TMEM150A: variants seen among roughly 807,000 people sequenced by gnomAD.
TMEM150A encodes the protein fasting-inducible integral membrane protein TM6P1.
Under a neutral mutation model 29.8 loss-of-function variants are expected in TMEM150A, and 18 were observed. The ratio of observed to expected loss-of-function variants is 0.60; its 90% CI spans 0.42 to 0.90. TMEM150A has a LOEUF of 0.90. Among genes scored for constraint, TMEM150A ranks in the 40% least tolerant of loss-of-function variants. The pLI, the probability that TMEM150A is intolerant of heterozygous loss-of-function variation, is 0.00. For missense variants in TMEM150A, 251 were observed against 349.7 expected, an observed-to-expected ratio of 0.72 and a Z score of 2.25; for synonymous variants, 127 against 143.6, an observed-to-expected ratio of 0.88 and a Z score of 0.83.
At position 85,601,055 on chromosome 2, in the gene TMEM150A, T is replaced by G; in HGVS notation, c.166A>C (p.Thr56Pro). 3.1e-6 allele frequency: 5 copies of G among 1,612,640 alleles called. No homozygotes were observed. Among genetic ancestry groups the G allele is most frequent in the Non-Finnish European group, 4.2e-6 (5 of 1,179,512 alleles). The change falls in exon 4 of 8, where the codon ACC becomes CCC. Residue 56 changes from threonine (T) to proline (P), a missense_variant. Thr to Pro is a conservative substitution (Grantham distance 38, BLOSUM62 -1). Transcript: ENST00000334462. The surrounding 1 kb of genome is among the most constrained non-coding windows in gnomAD (Gnocchi z 4.0). ...PDPAEQGGPK[T>P]CCTLDDVPLI... ...GGGACATCGTCCAGGGTGCAGCAGGTCTTGGGACCCCCTTGCTCAGCAGGG... is the reference window on the plus strand; with the variant it reads ...GGGACATCGTCCAGGGTGCAGCAGGGCTTGGGACCCCCTTGCTCAGCAGGG...
In TMEM150A at chr2:85,601,379, A is replaced by G. The variant is rs1672944744; in HGVS notation, c.113+56T>C. 1 of 1,602,408 alleles carries G rather than the reference A, an allele frequency of 6.2e-7. No homozygotes were observed. The highest frequency in any genetic ancestry group is 1.3e-5 in the African/African-American group (1 of 74,650). On this transcript the variant is annotated intron_variant, in intron 3 of 7. Coordinates refer to ENST00000334462, the MANE Select transcript of TMEM150A (RefSeq NM_001031738.3). The surrounding 1 kb of genome is among the most constrained non-coding windows in gnomAD (Gnocchi z 4.0). ...GGCTCGTGGCAGCCTCAGGCCCAAG[A>G]GGGGACAGAGATGAAGGAAGCTTTA...
chr2:85,599,768 G>A lies in TMEM150A; in HGVS notation c.397-66C>T. The A allele has an allele frequency of 6.3e-7, 1 of 1,590,222 alleles. No individual in the cohort carries two copies. The highest frequency in any genetic ancestry group is 8.6e-7 in the Non-Finnish European group (1 of 1,167,044). ...CCCACCTCTCCACCCCTCCTTCAATGAATCTCCTCTCTCCCTCTTCCTTCC... is the reference window on the plus strand; with the variant it reads ...CCCACCTCTCCACCCCTCCTTCAATAAATCTCCTCTCTCCCTCTTCCTTCC... On this transcript the variant is annotated intron_variant, in intron 6 of 7. Coordinates refer to ENST00000334462, the MANE Select transcript of TMEM150A (RefSeq NM_001031738.3). The surrounding 1 kb of genome is among the most constrained non-coding windows in gnomAD (Gnocchi z 6.0).
At position 85,601,705 on chromosome 2, in the gene TMEM150A, G is replaced by GCAATTT. The variant is rs1672974057; in HGVS notation, c.65+178_65+179insAAATTG. On this transcript the variant is annotated intron_variant, in intron 2 of 7. Coordinates refer to ENST00000334462, the MANE Select transcript of TMEM150A (RefSeq NM_001031738.3). The surrounding 1 kb of genome is among the most constrained non-coding windows in gnomAD (Gnocchi z 4.0). ...CCTGGCTAGAAGTATATTTGTCAGG[G>GCAATTT]CCACCCTGCTGGACAGCAGTGGTGC... The GCAATTT allele has an allele frequency of 1.1e-6, 1 of 889,336 alleles. No individual in the cohort carries two copies. The highest frequency in any genetic ancestry group is 1.7e-5 in the African/African-American group (1 of 59,736). The allele number at this position is 889,336 out of a possible 1,614,324, so 55.1% of individuals were successfully genotyped here. A position where few individuals can be genotyped will look rare whatever the true frequency, so the allele number is the denominator to read the frequency against.
Position 85,601,554 on chromosome 2 carries a change from C to T in TMEM150A, c.66-72G>A. The stretch of plus-strand genomic sequence containing the variant: ...CAACCCACCCCATGACCCTTCTCTT[C>T]AACCTTGATTTCTGGCCCCATTCAG... On this transcript the variant is annotated intron_variant, in intron 2 of 7. Transcript: ENST00000334462. The surrounding 1 kb of genome is among the most constrained non-coding windows in gnomAD (Gnocchi z 4.0). The T allele has an allele frequency of 1.9e-6, 3 of 1,544,080 alleles. No individual in the cohort carries two copies. Among genetic ancestry groups the T allele is most frequent in the Non-Finnish European group, 2.6e-6 (3 of 1,132,382 alleles).
In TMEM150A at chr2:85,599,146, C is replaced by T; in HGVS notation, c.746G>A (p.Cys249Tyr). 2 of 1,613,736 alleles carry T rather than the reference C, an allele frequency of 1.2e-6. No homozygotes were observed. The highest frequency in any genetic ancestry group is 1.7e-6 in the Non-Finnish European group (2 of 1,179,990). Residue 249 changes from cysteine to tyrosine, a missense_variant, in exon 8 of 8, where the codon TGC becomes TAC. Coordinates refer to ENST00000334462, the MANE Select transcript of TMEM150A (RefSeq NM_001031738.3). This position sits in a 1 kb window ranked among gnomAD's most constrained non-coding sequence, Gnocchi z 6.0. ...GGTGCTGCTGCTCCCGGAGGACTTGCAGGCCCGGCCAGGGGTAGGCTGCAG... is the reference window on the plus strand; with the variant it reads ...GGTGCTGCTGCTCCCGGAGGACTTGTAGGCCCGGCCAGGGGTAGGCTGCAG... ...AALQPTPGRA[C>Y]KSSGSSSTST...
chr2:85,599,427 C>A lies in TMEM150A; in HGVS notation c.574+98G>T. 1 of 1,566,558 alleles carries A rather than the reference C, an allele frequency of 6.4e-7. No individual in the cohort carries two copies. Among genetic ancestry groups the A allele is most frequent in the Admixed American group, 1.8e-5 (1 of 54,646 alleles). On this transcript the variant is annotated intron_variant, in intron 7 of 7. Coordinates refer to ENST00000334462, the MANE Select transcript of TMEM150A (RefSeq NM_001031738.3). The surrounding 1 kb of genome is among the most constrained non-coding windows in gnomAD (Gnocchi z 6.0). ...AAGGGAGAGGTGTTAGTCCTCTCCC[C>A]CACATGGCAGTGTTAGGCCTCCACC...
Position 85,600,643 on chromosome 2 carries a change from C to T in TMEM150A, c.201-231G>A, listed in dbSNP as rs191555837. On this transcript the variant is annotated intron_variant, in intron 4 of 7. Coordinates refer to ENST00000334462, the MANE Select transcript of TMEM150A (RefSeq NM_001031738.3). ...AGTGCCCAGGAGTGTTCGGGCAACC[C>T]TGACACTCTTTGCTGAGCCCTGCGG... The T allele has an allele frequency of 5.0e-4, 290 of 575,772 alleles. 1 individual carries two copies. The highest frequency in any genetic ancestry group is 4.4e-3 in the African/African-American group (237 of 53,444). The allele number at this position is 575,772 out of a possible 1,614,324, so 35.7% of individuals were successfully genotyped here.
Position 85,601,095 on chromosome 2 carries a change from C to G in TMEM150A, c.126G>C (p.Glu42Asp), listed in dbSNP as rs1370349966. ...GCTCAGCAGGGTCAGGAGGGCAGGACTCGTTGTAGGACCTGGCAGGCAGGA... is the reference window on the plus strand; with the variant it reads ...GCTCAGCAGGGTCAGGAGGGCAGGAGTCGTTGTAGGACCTGGCAGGCAGGA... ...VCPVENWSYN[E>D]SCPPDPAEQG... Residue 42 changes from glutamate to aspartate, a missense_variant, in exon 4 of 8, where the codon GAG becomes GAC. Transcript: ENST00000334462. The surrounding 1 kb of genome is among the most constrained non-coding windows in gnomAD (Gnocchi z 4.0). 1 of 1,612,842 alleles carries G rather than the reference C, an allele frequency of 6.2e-7. No homozygotes were observed. The highest frequency in any genetic ancestry group is 2.2e-5 in the East Asian group (1 of 44,856).
chr2:85,601,702 AG>A lies in TMEM150A; in HGVS notation c.65+181del. ...TGCCCTGGCTAGAAGTATATTTGTC[AG>A]GGCCACCCTGCTGGACAGCAGTGGT... On this transcript the variant is annotated intron_variant, in intron 2 of 7. Coordinates refer to ENST00000334462, the MANE Select transcript of TMEM150A (RefSeq NM_001031738.3). The surrounding 1 kb of genome is among the most constrained non-coding windows in gnomAD (Gnocchi z 4.0). 1.1e-6 allele frequency: 1 copy of A among 877,984 alleles called. No individual in the cohort carries two copies. Among genetic ancestry groups the A allele is most frequent in the Non-Finnish European group, 1.8e-6 (1 of 549,664 alleles). 54.4% of individuals were successfully genotyped at this position (877,984 alleles called of 1,614,324 possible).
At position 85,599,034 on chromosome 2, in the gene TMEM150A, G is replaced by C; in HGVS notation, c.*42C>G. ...GAAATAAATGGAAAGAAGATATGGGGTGGGGTGCTGTGGAGGCCGGGCCAG... is the reference window on the plus strand; with the variant it reads ...GAAATAAATGGAAAGAAGATATGGGCTGGGGTGCTGTGGAGGCCGGGCCAG... On this transcript the variant is annotated 3_prime_UTR_variant, in exon 8 of 8. Transcript: ENST00000334462. The surrounding 1 kb of genome is among the most constrained non-coding windows in gnomAD (Gnocchi z 6.0). The C allele has an allele frequency of 6.3e-7, 1 of 1,594,550 alleles. No homozygotes were observed. Among genetic ancestry groups the C allele is most frequent in the Non-Finnish European group, 8.6e-7 (1 of 1,166,508 alleles).
chr2:85,600,725 T>G (rs1558831235), intron 4 of TMEM150A: 2 of 550,258 alleles, frequency 3.6e-6, no homozygotes, highest in Non-Finnish European at 6.5e-6. Context: ...GGCTCCAGCT[T>G]AAATCCAGGT....
Position 85,599,036 on chromosome 2 carries a change from G to A in TMEM150A, c.*40C>T, listed in dbSNP as rs369213296. On this transcript the variant is annotated 3_prime_UTR_variant, in exon 8 of 8. Transcript: ENST00000334462. This position sits in a 1 kb window ranked among gnomAD's most constrained non-coding sequence, Gnocchi z 6.0. ...AATAAATGGAAAGAAGATATGGGGT[G>A]GGGTGCTGTGGAGGCCGGGCCAGCC... 90 of 1,594,940 alleles carry A rather than the reference G, an allele frequency of 5.6e-5. No homozygotes were observed. The African/African-American group carries it at 1.1e-3, about 20-fold the overall frequency.
rs1672999918 is a variant in TMEM150A at position 85,602,036 on chromosome 2, T to C, written c.-88A>G. 6 of 1,172,682 alleles carry C rather than the reference T, an allele frequency of 5.1e-6. No homozygotes were observed. The highest frequency in any genetic ancestry group is 2.5e-5 in the South Asian group (2 of 80,012). The allele number at this position is 1,172,682 out of a possible 1,614,324, so 72.6% of individuals were successfully genotyped here. On this transcript the variant is annotated 5_prime_UTR_variant, in exon 2 of 8. Coordinates refer to ENST00000334462, the MANE Select transcript of TMEM150A (RefSeq NM_001031738.3). This position sits in a 1 kb window ranked among gnomAD's most constrained non-coding sequence, Gnocchi z 5.6. ...GGGGCGGACCAGCTACCTTGAGATG[T>C]TTCTGCCACAACCATCAGCTGTCCT... is the stretch of plus-strand genomic sequence containing the variant.
Position 85,599,629 on chromosome 2 carries a change from A to G in TMEM150A, c.470T>C (p.Leu157Pro). ...CCCTTGGTAGGAGAGAGCACAGTGC[A>G]GGCAAACAAAGAGCAGCCCCGCAGG... ...AFPAGLLFVC[L>P]HCALSYQGAT... Residue 157 changes from leucine to proline, a missense_variant, in exon 7 of 8, where the codon CTG becomes CCG. Transcript: ENST00000334462. This position sits in a 1 kb window ranked among gnomAD's most constrained non-coding sequence, Gnocchi z 6.0. 6.2e-7 allele frequency: 1 copy of G among 1,613,810 alleles called. No homozygotes were observed. Among genetic ancestry groups the G allele is most frequent in the Non-Finnish European group, 8.5e-7 (1 of 1,179,886 alleles).
intron 4 of TMEM150A, 89 bp downstream of exon 4, chr2:85,600,932 G>A (rs1292444324): frequency 4.6e-5 from 57 of 1,243,132 alleles, no homozygotes; most frequent in Middle Eastern, 4.3e-4. Flanking sequence ...GATACTTATT[G>A]TTCCTGAGAC....
chr2:85,599,033 G>A lies in TMEM150A; in HGVS notation c.*43C>T. ...CGAAATAAATGGAAAGAAGATATGG[G>A]GTGGGGTGCTGTGGAGGCCGGGCCA... On this transcript the variant is annotated 3_prime_UTR_variant, in exon 8 of 8. Coordinates refer to ENST00000334462, the MANE Select transcript of TMEM150A (RefSeq NM_001031738.3). This position sits in a 1 kb window ranked among gnomAD's most constrained non-coding sequence, Gnocchi z 6.0. 1 of 1,593,936 alleles carries A rather than the reference G, an allele frequency of 6.3e-7. No individual in the cohort carries two copies. Among genetic ancestry groups the A allele is most frequent in the Non-Finnish European group, 8.6e-7 (1 of 1,166,156 alleles).
At chr2:85,600,149 T>C in intron 5 of TMEM150A, 131 bp from the exon 6 acceptor site, 1 of 1,363,946 alleles carries the variant, frequency 7.3e-7, no homozygotes, top group Non-Finnish European at 9.9e-7. Flanking sequence ...AGGCGGGTGG[T>C]GAACTAGGTT....
In TMEM150A at chr2:85,601,088, G is replaced by A. The variant is rs373855827; in HGVS notation, c.133C>T (p.Pro45Ser). Residue 45 changes from proline (P) to serine (S), a missense_variant, in exon 4 of 8, where the codon CCT becomes TCT. Pro to Ser is a moderately conservative substitution (Grantham distance 74, BLOSUM62 -1). Transcript: ENST00000334462. This position sits in a 1 kb window ranked among gnomAD's most constrained non-coding sequence, Gnocchi z 4.0. ...CCCCCTTGCTCAGCAGGGTCAGGAG[G>A]GCAGGACTCGTTGTAGGACCTGGCA... Reference protein sequence around the residue: ...VENWSYNESCPPDPAEQGGPK... With the variant: ...VENWSYNESCSPDPAEQGGPK... The A allele has an allele frequency of 1.2e-6, 2 of 1,612,696 alleles. No individual in the cohort carries two copies. Among genetic ancestry groups the A allele is most frequent in the Non-Finnish European group, 1.7e-6 (2 of 1,179,610 alleles).
chr2:85,600,153 C>G lies in TMEM150A; in HGVS notation c.269-135G>C, dbSNP rs992453638. On this transcript the variant is annotated intron_variant, in intron 5 of 7. Transcript: ENST00000334462. ...AAGGAACAGACAGGCGGGTGGTGAA[C>G]TAGGTTTCCTCAGGCTCCAGCCAGC... 5 of 1,363,460 alleles carry G rather than the reference C, an allele frequency of 3.7e-6. No homozygotes were observed. The African/African-American group carries it at 5.8e-5, about 16-fold the overall frequency. The allele number at this position is 1,363,460 out of a possible 1,614,324, so 84.5% of individuals were successfully genotyped here. A position where few individuals can be genotyped will look rare whatever the true frequency, so the allele number is the denominator to read the frequency against.
Sources: allele counts gnomAD v4.1 joint callset, GRCh38; gene constraint gnomAD v4.1.1; non-coding constraint Gnocchi (gnomAD v3.1); transcripts MANE v1.5; gene names NCBI Gene and HGNC (gene_info 2026-07-23, HGNC 2026-07-21).